MANBA: variants seen among roughly 807,000 people sequenced by gnomAD.
The protein encoded by MANBA is mannosidase beta.
In MANBA, 83 loss-of-function variants were observed where a neutral mutation model predicts 111.1. That is an observed-to-expected ratio of 0.75 (90% CI 0.63 to 0.90). The LOEUF (loss-of-function observed/expected upper bound fraction) is 0.90. Ranked by LOEUF, MANBA falls within the 40% of genes least tolerant of loss-of-function variation. The pLI, the probability that MANBA is intolerant of heterozygous loss-of-function variation, is 0.00. For missense variants in MANBA, 1,036 were observed against 1,069.0 expected (o/e 0.97, Z 0.43); for synonymous variants, 370 against 378.7 (o/e 0.98, Z 0.27).
chr4:102,747,173 A>ATATATATATAT (rs1560812741), intron 1 of MANBA, among the ~76,000 whole-genome samples: 3 of 151,390 alleles, frequency 2.0e-5, no homozygotes, highest in African/African-American at 7.4e-5. Context: ...ATATATATAT[A>ATATATATATAT]AAGGGGAGTT....
In MANBA at chr4:102,690,773, T is replaced by A; in HGVS notation, c.674-2A>T. Reference sequence around the variant, plus strand: ...GATTCCACTCCTGGGCACTCTTATCTAAAATATAAAAAGAAAAAGAAATAT... The same window carrying A: ...GATTCCACTCCTGGGCACTCTTATCAAAAATATAAAAAGAAAAAGAAATAT... On this transcript the variant is annotated splice_acceptor_variant, in intron 5 of 16. Transcript: ENST00000647097. LOFTEE classifies it high-confidence loss of function. 1 of 1,381,190 alleles carries A rather than the reference T, an allele frequency of 7.2e-7. No individual in the cohort carries two copies. The highest frequency in any genetic ancestry group is 9.8e-7 in the Non-Finnish European group (1 of 1,021,762). 85.6% of individuals were successfully genotyped at this position (1,381,190 alleles called of 1,614,324 possible).
In MANBA at chr4:102,726,632, T is replaced by C. The variant is rs1439374701; in HGVS notation, c.229A>G (p.Asn77Asp). Reference protein sequence around the residue: ...DLNYRWVSLDNWTYSKEFKIP... With the variant: ...DLNYRWVSLDDWTYSKEFKIP... ...TTAAATTCTTTGCTATAGGTCCAGT[T>C]ATCCAAAGAGACCCATCTGTAGTTA... Residue 77 changes from asparagine (N) to aspartate (D), a missense_variant, in exon 2 of 17, where the codon AAC becomes GAC. Asn to Asp is a conservative substitution (Grantham distance 23, BLOSUM62 1). Transcript: ENST00000647097. The C allele has an allele frequency of 1.3e-6, 2 of 1,572,412 alleles. No individual in the cohort carries two copies. Among genetic ancestry groups the C allele is most frequent in the Admixed American group, 1.7e-5 (1 of 59,904 alleles).
Position 102,668,958 on chromosome 4 carries a change from C to G in MANBA, c.1317+5G>C. On this transcript the variant is annotated splice_donor_5th_base_variant and intron_variant, in intron 10 of 16. Transcript: ENST00000647097. ...TTATTTCTTCTTGGAAGGGTAGTAA[C>G]ATACCTGGTAGGCAACTTCTGCTGT... 1 of 1,603,698 alleles carries G rather than the reference C, an allele frequency of 6.2e-7. No homozygotes were observed. The highest frequency in any genetic ancestry group is 8.5e-7 in the Non-Finnish European group (1 of 1,170,840).
At chr4:102,745,727 T>C (rs528219832) in intron 1 of MANBA, among the ~76,000 whole-genome samples, 2 of 152,320 alleles carry the variant, frequency 1.3e-5, no homozygotes, top group East Asian at 3.9e-4. Flanking sequence ...AATCTCTACT[T>C]AGTGGGTTCA....
chr4:102,691,799 T>A (rs1732489711), intron 5 of MANBA, among the ~76,000 whole-genome samples: 1 of 152,138 alleles, frequency 6.6e-6, no homozygotes, highest in African/African-American at 2.4e-5. Context: ...TGAGCCACCA[T>A]GCCTGGCCAA....
intron 1 of MANBA, among the ~76,000 whole-genome samples, chr4:102,755,835 AAAG>A (rs1723989945): frequency 6.6e-6 from 1 of 152,250 alleles, no homozygotes; most frequent in Non-Finnish European, 1.5e-5. Flanking sequence ...ACACTTCTCA[AAAG>A]AAGACATTTA....
chr4:102,729,206 C>A, intron 1 of MANBA: 1 of 729,254 alleles, frequency 1.4e-6, no homozygotes. Flanking sequence ...CCTTTGAGGC[C>A]CTCAGTCTCA....
chr4:102,758,908 G>A (rs1445118862), intron 1 of MANBA, among the ~76,000 whole-genome samples: 1 of 152,050 alleles, frequency 6.6e-6, no homozygotes, highest in Admixed American at 6.5e-5. Flanking sequence ...GAGACCCATG[G>A]CCACCTGATT....
At position 102,673,902 on chromosome 4, in the gene MANBA, G is replaced by C; in HGVS notation, c.1112+17C>G. 1 of 1,600,402 alleles carries C rather than the reference G, an allele frequency of 6.2e-7. No individual in the cohort carries two copies. The highest frequency in any genetic ancestry group is 1.3e-5 in the African/African-American group (1 of 74,704). Reference sequence around the variant, plus strand: ...GCTAATTAAAAGAAGAACAAGAAAAGAAAGACAATAACTTACAACTCAGAG... The same window carrying C: ...GCTAATTAAAAGAAGAACAAGAAAACAAAGACAATAACTTACAACTCAGAG... On this transcript the variant is annotated intron_variant, in intron 8 of 16. Coordinates refer to ENST00000647097, the MANE Select transcript of MANBA (RefSeq NM_005908.4).
At chr4:102,672,782 T>G (rs976580464) in intron 8 of MANBA, among the ~76,000 whole-genome samples, 8 of 152,140 alleles carry the variant, frequency 5.3e-5, no homozygotes, top group African/African-American at 1.7e-4. Flanking sequence ...GGTTGCATGC[T>G]CCTTATGAGA....
At chr4:102,740,838 TA>T (rs894529284) in intron 1 of MANBA, among the ~76,000 whole-genome samples, 17 of 150,854 alleles carry the variant, frequency 1.1e-4, no homozygotes, top group African/African-American at 2.9e-4. Context: ...CTGAAACCAT[TA>T]AAAAAAAATC....
chr4:102,751,151 C>T (rs980737058), intron 1 of MANBA, among the ~76,000 whole-genome samples: 8 of 152,166 alleles, frequency 5.3e-5, no homozygotes, highest in Admixed American at 1.3e-4. Context: ...TACACTGATG[C>T]ACATATATTG....
intron 1 of MANBA, chr4:102,752,523 GA>G: frequency 1.4e-6 from 1 of 714,726 alleles, no homozygotes; most frequent in South Asian, 1.4e-5. Context: ...GGCTGCTCAT[GA>G]AGACAAAGTT....
At chr4:102,729,074 A>T in intron 1 of MANBA, 1 of 776,132 alleles carries the variant, frequency 1.3e-6, no homozygotes, top group Non-Finnish European at 2.3e-6. Flanking sequence ...TTGCCATGCC[A>T]TGTCCTGCTT....
chr4:102,694,679 C>A (rs1310158231), intron 5 of MANBA, among the ~76,000 whole-genome samples: 2 of 151,990 alleles, frequency 1.3e-5, no homozygotes, highest in Non-Finnish European at 2.9e-5. Flanking sequence ...TTCTAGAATC[C>A]CCTACAGAGC....
intron 10 of MANBA, 106 bp from the exon 11 acceptor site, chr4:102,664,958 C>A (rs1435093350): frequency 1.2e-6 from 1 of 863,648 alleles, no homozygotes; most frequent in Admixed American, 2.4e-5. Flanking sequence ...CACATAAATT[C>A]TTATGTGCCA....
chr4:102,644,857 T>G (rs942222124), intron 13 of MANBA, among the ~76,000 whole-genome samples: 1 of 151,992 alleles, frequency 6.6e-6, no homozygotes. Context: ...CAAAACATCA[T>G]GTTGTACACC....
chr4:102,689,075 C>A (rs148661266), intron 7 of MANBA, among the ~76,000 whole-genome samples: 2 of 152,052 alleles, frequency 1.3e-5, no homozygotes, highest in African/African-American at 2.4e-5. Context: ...TAAGGCCGGG[C>A]GCAGTGGCTC....
At chr4:102,668,660 T>C (rs926416658) in intron 10 of MANBA, 15 of 373,056 alleles carry the variant, frequency 4.0e-5, no homozygotes, top group African/African-American at 3.1e-4. Context: ...GTTTAGTTTG[T>C]ACATGTTACA....
Sources: gnomAD v4.1 joint callset for allele counts (sites outside exome capture counted in the v4.1 genomes callset) on GRCh38, gnomAD v4.1.1 for gene constraint, MANE v1.5 for transcripts, NCBI Gene and HGNC (gene_info 2026-07-23, HGNC 2026-07-21) for gene names.